The following ERC1 variants were observed in gnomAD, a reference collection of about 807,000 sequenced individuals.
ERC1 encodes the protein RAB6 interacting protein 2.
In ERC1, 56 loss-of-function variants were observed where a neutral mutation model predicts 132.0. The observed-to-expected ratio is 0.42, with a 90% CI of 0.34 to 0.53. The LOEUF (loss-of-function observed/expected upper bound fraction) is 0.53. Among genes scored for constraint, ERC1 ranks in the 20% least tolerant of loss-of-function variants. ERC1 has a pLI of 0.03. For synonymous variants in ERC1, 478 were observed against 476.1 expected, an observed-to-expected ratio of 1.00 and a Z score of -0.05; for missense variants, 1,202 against 1,349.9, an observed-to-expected ratio of 0.89 and a Z score of 1.72.
chr12:1,210,643 T>C (rs1957775475), intron 12 of ERC1, among the ~76,000 whole-genome samples: 4 of 152,188 alleles, frequency 2.6e-5, no homozygotes, highest in African/African-American at 9.7e-5. Context: ...ATTGTTATTA[T>C]TATTTTCTGG....
At chr12:1,321,750 C>T (rs1269857963) in intron 15 of ERC1, among the ~76,000 whole-genome samples, 1 of 152,134 alleles carries the variant, frequency 6.6e-6, no homozygotes, top group Non-Finnish European at 1.5e-5. Flanking sequence ...TCCTACATCT[C>T]TTCTATAAGT....
chr12:1,083,704 T>A (rs537675392), intron 3 of ERC1, 124 bp downstream of exon 3: 32 of 711,428 alleles, frequency 4.5e-5, no homozygotes, highest in Admixed American at 4.1e-4. Flanking sequence ...TTTCATCCTT[T>A]GTATTTAAGT....
chr12:1,141,854 A>G, intron 8 of ERC1, 67 bp downstream of exon 8: 1 of 1,221,828 alleles, frequency 8.2e-7, no homozygotes, highest in Non-Finnish European at 1.1e-6. Context: ...CCACTAAGTT[A>G]TTTCTAAATG....
chr12:1,243,794 A>G (rs2075987172), intron 13 of ERC1, among the ~76,000 whole-genome samples: 1 of 152,318 alleles, frequency 6.6e-6, no homozygotes, highest in African/African-American at 2.4e-5. Context: ...TTCTCGGCCC[A>G]CACTGCAAAT....
Position 1,264,667 on chromosome 12 carries a change from C to CA in ERC1, c.2619+1513dup, listed in dbSNP as rs1165849760. 1.8e-3 allele frequency among the ~76,000 whole-genome samples: 242 copies of CA among 136,094 alleles called. 1 individual carries two copies. Among genetic ancestry groups the CA allele is most frequent in the African/African-American group, 5.1e-3 (190 of 37,106 alleles). The allele number at this position is 136,094 out of a possible 152,430, so 89.3% of individuals were successfully genotyped here. The stretch of plus-strand genomic sequence containing the variant: ...CGACAGAGCGAGACTCTGTCTCAAA[C>CA]AAAAAAAAAAAGATTTCAAATCTAT... On this transcript the variant is annotated intron_variant, in intron 14 of 18. Coordinates refer to ENST00000360905, the MANE Select transcript of ERC1 (RefSeq NM_178040.4).
chr12:1,034,885 A>G (rs1592836506), intron 2 of ERC1, among the ~76,000 whole-genome samples: 1 of 152,328 alleles, frequency 6.6e-6, no homozygotes, highest in South Asian at 2.1e-4. Flanking sequence ...GAAACAGTCC[A>G]CAGGATTTTC....
intron 12 of ERC1, among the ~76,000 whole-genome samples, chr12:1,209,563 G>A (rs1019861226): frequency 7.9e-5 from 12 of 152,080 alleles, no homozygotes; most frequent in Admixed American, 7.2e-4. Flanking sequence ...GCTCTATAAC[G>A]CAACTTGTAT....
chr12:1,213,038 G>T (rs1235218357), intron 12 of ERC1, among the ~76,000 whole-genome samples: 1 of 152,146 alleles, frequency 6.6e-6, no homozygotes, highest in Non-Finnish European at 1.5e-5. Flanking sequence ...AATGCCTAAA[G>T]CTTATTTTTT....
intron 12 of ERC1, among the ~76,000 whole-genome samples, chr12:1,201,808 T>C (rs1041496423): frequency 6.6e-6 from 1 of 152,228 alleles, no homozygotes; most frequent in Non-Finnish European, 1.5e-5. Flanking sequence ...ATGAGGAAAG[T>C]GTCTCTTTAG....
At chr12:1,073,277 G>C (rs1353818558) in intron 2 of ERC1, among the ~76,000 whole-genome samples, 2 of 151,828 alleles carry the variant, frequency 1.3e-5, no homozygotes, top group African/African-American at 2.4e-5. Flanking sequence ...CTCCAGCCTA[G>C]CGACAGAGCA....
intron 2 of ERC1, among the ~76,000 whole-genome samples, chr12:1,047,765 C>G (rs1460753100): frequency 6.6e-6 from 1 of 152,118 alleles, no homozygotes; most frequent in African/African-American, 2.4e-5. Context: ...TTGTGCTCCT[C>G]TGAAGGTTAG....
intron 2 of ERC1, among the ~76,000 whole-genome samples, chr12:1,049,428 C>T (rs917290653): frequency 6.6e-6 from 1 of 152,148 alleles, no homozygotes; most frequent in African/African-American, 2.4e-5. Context: ...AAACCTGATG[C>T]CTGAGTCTCA....
At chr12:1,158,395 G>A (rs1253737882) in intron 8 of ERC1, among the ~76,000 whole-genome samples, 3 of 151,784 alleles carry the variant, frequency 2.0e-5, no homozygotes, top group South Asian at 2.1e-4. Flanking sequence ...ATAACTAGTC[G>A]TTAAAAACAG....
chr12:1,183,205 A>G (rs1379872330), intron 10 of ERC1, 76 bp from the exon 11 acceptor site: 16 of 952,904 alleles, frequency 1.7e-5, no homozygotes, highest in Non-Finnish European at 1.9e-5. Flanking sequence ...AATTACAGCT[A>G]CCATGATAAA....
intron 3 of ERC1, among the ~76,000 whole-genome samples, chr12:1,084,769 G>A (rs1459706960): frequency 6.6e-6 from 1 of 151,862 alleles, no homozygotes; most frequent in African/African-American, 2.4e-5. Context: ...ATGGCTCACT[G>A]CAGCCTTGAA....
intron 18 of ERC1, among the ~76,000 whole-genome samples, chr12:1,466,119 C>T (rs1405846519): frequency 6.6e-6 from 1 of 152,186 alleles, no homozygotes; most frequent in Non-Finnish European, 1.5e-5. Flanking sequence ...ATACCACAGA[C>T]CGCGTGGCTT....
rs183472675 is a variant in ERC1, at chr12:1,447,681, G to A, written c.3213+2931G>A. On this transcript the variant is annotated intron_variant, in intron 18 of 18. Transcript: ENST00000360905. ...GTTTTTGTTTTGGAGACAGAGTCTCGCTCTGTCACCCAGGCTGGAGTGCAG... is the reference window on the plus strand; with the variant it reads ...GTTTTTGTTTTGGAGACAGAGTCTCACTCTGTCACCCAGGCTGGAGTGCAG... Among the ~76,000 whole-genome samples, 9 of 151,330 alleles carry A rather than the reference G, an allele frequency of 5.9e-5. No individual in the cohort carries two copies. In the East Asian group the frequency reaches 9.7e-4, roughly 16 times the overall value.
At chr12:1,291,295 A>C (rs2079434201) in intron 15 of ERC1, among the ~76,000 whole-genome samples, 1 of 152,192 alleles carries the variant, frequency 6.6e-6, no homozygotes, top group African/African-American at 2.4e-5. Context: ...GTGGATTGGC[A>C]TAGGGGGAGA....
intron 12 of ERC1, among the ~76,000 whole-genome samples, chr12:1,216,300 A>T (rs972583050): frequency 1.3e-5 from 2 of 152,164 alleles, no homozygotes; most frequent in Non-Finnish European, 2.9e-5. Context: ...AGATTTTCTG[A>T]TCACTAATAT....
Sources: allele counts gnomAD v4.1 joint callset (sites outside exome capture counted in the v4.1 genomes callset), GRCh38; gene constraint gnomAD v4.1.1; transcripts MANE v1.5; gene names NCBI Gene and HGNC (gene_info 2026-07-23, HGNC 2026-07-21).